The following DDX6 variants were observed in gnomAD, a reference collection of about 807,000 sequenced individuals.
The protein encoded by DDX6 is DEAD-box helicase 6.
Under a neutral mutation model 60.6 loss-of-function variants are expected in DDX6, and 7 were observed. The ratio of observed to expected loss-of-function variants is 0.12; its 90% CI spans 0.07 to 0.22. DDX6 has a LOEUF of 0.22. Ranked by LOEUF, DDX6 falls within the 10% of genes least tolerant of loss-of-function variation. DDX6 has a pLI of 1.00. For missense variants in DDX6, 270 were observed against 589.9 expected (o/e 0.46, Z 5.62); for synonymous variants, 207 against 201.0 (o/e 1.03, Z -0.25).
intron 2 of DDX6, 126 bp from the exon 3 acceptor site, chr11:118,781,310 AAC>A: frequency 3.3e-6 from 2 of 601,080 alleles, no homozygotes; most frequent in East Asian, 2.9e-5. Context: ...TAATATATCT[AAC>A]AAGATAATTA....
In DDX6 at chr11:118,786,448, C is replaced by T. The variant is rs972732904; in HGVS notation, c.-197G>A. ...AGCAGCAGTAACTTGCTCTCTTGCACGGAATCAACTTTTTATTTTTAAAAA... is the reference window on the plus strand; with the variant it reads ...AGCAGCAGTAACTTGCTCTCTTGCATGGAATCAACTTTTTATTTTTAAAAA... On this transcript the variant is annotated 5_prime_UTR_variant, in exon 2 of 14. In the 5' UTR this introduces an upstream ATG that the reference lacks. Coordinates refer to ENST00000534980, the MANE Select transcript of DDX6 (RefSeq NM_004397.6). 13 of 401,588 alleles carry T rather than the reference C, an allele frequency of 3.2e-5. No individual in the cohort carries two copies. Among genetic ancestry groups the T allele is most frequent in the East Asian group, 1.8e-4 (5 of 27,486 alleles). 24.9% of individuals were successfully genotyped at this position (401,588 alleles called of 1,614,324 possible). A position where few individuals can be genotyped will look rare whatever the true frequency, so the allele number is the denominator to read the frequency against.
intron 4 of DDX6, among the ~76,000 whole-genome samples, chr11:118,769,871 A>AT (rs1382465227): frequency 8.7e-5 from 13 of 148,658 alleles, no homozygotes; most frequent in South Asian, 2.1e-4. Context: ...CACCCGGCTA[A>AT]TTTTTTTTTT....
intron 4 of DDX6, among the ~76,000 whole-genome samples, chr11:118,772,553 C>G (rs1195062646): frequency 1.3e-5 from 2 of 152,012 alleles, no homozygotes; most frequent in Non-Finnish European, 2.9e-5. Flanking sequence ...TCAAAATGTT[C>G]TAAAATTTAT....
chr11:118,777,092 C>T (rs868963447), intron 4 of DDX6, among the ~76,000 whole-genome samples: 2 of 151,990 alleles, frequency 1.3e-5, no homozygotes, highest in Admixed American at 6.6e-5. Flanking sequence ...TACATACATA[C>T]GCAATTCCAA....
At position 118,754,686 on chromosome 11, in the gene DDX6, T is replaced by C. The variant is rs782113918; in HGVS notation, c.*7+19A>G. On this transcript the variant is annotated intron_variant, in intron 13 of 13. Coordinates refer to ENST00000534980, the MANE Select transcript of DDX6 (RefSeq NM_004397.6). ...CCCTCATTTAAAGGTTCCTCTTAGC[T>C]GTTCTGTCAGGGACGTACATGCTTG... is the stretch of plus-strand genomic sequence containing the variant. 1.4e-5 allele frequency: 22 copies of C among 1,574,260 alleles called. No homozygotes were observed. Among genetic ancestry groups the C allele is most frequent in the Non-Finnish European group, 1.8e-5 (21 of 1,166,682 alleles).
intron 2 of DDX6, among the ~76,000 whole-genome samples, chr11:118,781,562 C>T (rs566180122): frequency 6.6e-6 from 1 of 152,316 alleles, no homozygotes; most frequent in South Asian, 2.1e-4. Context: ...TCAAGAAATC[C>T]ACCTGCCTCG....
At chr11:118,775,686 C>G (rs1357502055) in intron 4 of DDX6, among the ~76,000 whole-genome samples, 1 of 152,168 alleles carries the variant, frequency 6.6e-6, no homozygotes, top group Non-Finnish European at 1.5e-5. Context: ...GTACTTATTT[C>G]TACTTTACAG....
rs782131193 is a variant in DDX6, at chr11:118,751,804, CCTTCT to C, written c.*296_*300del. 7.5e-5 allele frequency: 29 copies of C among 384,612 alleles called. No homozygotes were observed. The highest frequency in any genetic ancestry group is 2.6e-4 in the African/African-American group (12 of 46,216). The allele number at this position is 384,612 out of a possible 1,614,324, so 23.8% of individuals were successfully genotyped here. ...ATTCTTCTCTTTTTAGGGTTTCTCC[CCTTCT>C]CTTCTTTCTTTTCCTTCCTTGTCCC... On this transcript the variant is annotated 3_prime_UTR_variant, in exon 14 of 14. Coordinates refer to ENST00000534980, the MANE Select transcript of DDX6 (RefSeq NM_004397.6).
At chr11:118,759,650 G>A (rs1055649430) in intron 8 of DDX6, among the ~76,000 whole-genome samples, 5 of 152,060 alleles carry the variant, frequency 3.3e-5, no homozygotes, top group African/African-American at 7.2e-5. Flanking sequence ...GAATAATACC[G>A]GAATCAATTC....
intron 13 of DDX6, among the ~76,000 whole-genome samples, chr11:118,753,685 C>CT (rs1555158015): frequency 2.0e-5 from 3 of 152,046 alleles, no homozygotes; most frequent in Non-Finnish European, 4.4e-5. Context: ...TCTGATTAAA[C>CT]ATTTGCTAAT....
chr11:118,776,439 T>TAC (rs1402552181), intron 4 of DDX6, among the ~76,000 whole-genome samples: 2 of 152,170 alleles, frequency 1.3e-5, no homozygotes, highest in Admixed American at 1.3e-4. Context: ...AGACATGAGT[T>TAC]ACCTAAGTTT....
At chr11:118,773,822 C>G (rs1402189006) in intron 4 of DDX6, among the ~76,000 whole-genome samples, 1 of 151,562 alleles carries the variant, frequency 6.6e-6, no homozygotes, top group Non-Finnish European at 1.5e-5. Context: ...GACTCTGTCT[C>G]CCCGACCCCA....
At position 118,748,774 on chromosome 11, in the gene DDX6, C is replaced by T. The variant is rs1555156459; in HGVS notation, c.*3331G>A. On this transcript the variant is annotated 3_prime_UTR_variant, in exon 14 of 14. Transcript: ENST00000534980. ...AAAAAAAAATTAAAAAATTAAACCA[C>T]GTCATCAGAATGAGATGTTTTGATT... 6.9e-6 allele frequency: 1 copy of T among 144,530 alleles called. No homozygotes were observed. Among genetic ancestry groups the T allele is most frequent in the Non-Finnish European group, 1.5e-5 (1 of 66,692 alleles). 9.0% of individuals were successfully genotyped at this position (144,530 alleles called of 1,614,324 possible).
chr11:118,777,565 A>T (rs1445137819), intron 4 of DDX6, among the ~76,000 whole-genome samples: 3 of 152,264 alleles, frequency 2.0e-5, no homozygotes, highest in East Asian at 1.9e-4. Context: ...CAGGATAGGT[A>T]TAAGATAAGC....
At chr11:118,783,807 T>G (rs1259922586) in intron 2 of DDX6, among the ~76,000 whole-genome samples, 1 of 4,162 alleles carries the variant, frequency 2.4e-4, no homozygotes, top group African/African-American at 5.6e-4. Flanking sequence ...TGAGAGTCCA[T>G]CTCAAAAAAA....
rs541813990 is a variant in DDX6, at chr11:118,760,799, C to T, written c.742-755G>A. On this transcript the variant is annotated intron_variant, in intron 7 of 13. Coordinates refer to ENST00000534980, the MANE Select transcript of DDX6 (RefSeq NM_004397.6). ...TCACACCACTGCACTCCAGCCTAGG[C>T]GACAGGGCGAGACTACTCCGTCTCA... Among the ~76,000 whole-genome samples the T allele has an allele frequency of 1.8e-3, 235 of 128,848 alleles. 2 individuals are homozygous for T. Among genetic ancestry groups the T allele is most frequent in the Non-Finnish European group, 3.2e-3 (204 of 63,796 alleles). The allele number at this position is 128,848 out of a possible 152,430, so 84.5% of individuals were successfully genotyped here.
chr11:118,767,383 C>T (rs1207731636), intron 5 of DDX6, among the ~76,000 whole-genome samples: 1 of 152,056 alleles, frequency 6.6e-6, no homozygotes, highest in African/African-American at 2.4e-5. Flanking sequence ...TTACAGATCA[C>T]GAAAGCTAAA....
chr11:118,782,712 C>T (rs186978402), intron 2 of DDX6, among the ~76,000 whole-genome samples: 74 of 150,148 alleles, frequency 4.9e-4, no homozygotes, highest in African/African-American at 1.7e-3. Flanking sequence ...GGCATGATCT[C>T]GGCTTACTGC....
intron 4 of DDX6, among the ~76,000 whole-genome samples, chr11:118,769,993 C>G (rs1591906742): frequency 6.6e-6 from 1 of 151,998 alleles, no homozygotes; most frequent in East Asian, 1.9e-4. Context: ...CAGGCGTGAG[C>G]CAGCGCGCCG....
Sources: gnomAD v4.1 joint callset for allele counts (sites outside exome capture counted in the v4.1 genomes callset) on GRCh38, gnomAD v4.1.1 for gene constraint, MANE v1.5 for transcripts, NCBI Gene and HGNC (gene_info 2026-07-23, HGNC 2026-07-21) for gene names.